RIPK1: variants seen among roughly 807,000 people sequenced by gnomAD.
RIPK1 encodes the protein receptor interacting serine/threonine kinase 1, also known as receptor-interacting serine/threonine-protein kinase 1.
Under a neutral mutation model 62.4 loss-of-function variants are expected in RIPK1, and 27 were observed. The observed-to-expected ratio is 0.43, with a 90% CI of 0.32 to 0.60. The LOEUF (loss-of-function observed/expected upper bound fraction) is 0.60. Among genes scored for constraint, RIPK1 ranks in the 20% least tolerant of loss-of-function variants. The pLI is 0.07. For missense variants in RIPK1, 735 were observed against 831.0 expected (o/e 0.88, Z 1.42); for synonymous variants, 287 against 303.2 (o/e 0.95, Z 0.55).
intron 5 of RIPK1, 97 bp downstream of exon 5, chr6:3,083,410 G>A: frequency 2.2e-6 from 2 of 909,426 alleles, no homozygotes; most frequent in Non-Finnish European, 3.4e-6. Context: ...TTGAATGAAT[G>A]AGTAATCCCA....
Position 3,083,205 on chromosome 6 carries a change from G to T in RIPK1, c.580G>T (p.Ala194Ser), listed in dbSNP as rs1452255294. ...GAATGGCGGCACCCTCTACTACATGGCGCCCGAGCACCTGAATGACGTCAA... is the reference window on the plus strand; with the variant it reads ...GAATGGCGGCACCCTCTACTACATGTCGCCCGAGCACCTGAATGACGTCAA... ...KKNGGTLYYMAPEHLNDVNAK... is the reference protein window; with the variant it reads ...KKNGGTLYYMSPEHLNDVNAK... Residue 194 changes from alanine to serine, a missense_variant, in exon 5 of 11, where the codon GCG (alanine) becomes TCG (serine). Around this residue, in one of 2 missense-constraint regions of RIPK1, gnomAD observed 671 missense variants for 726.2 expected, o/e 0.92. Transcript: ENST00000259808. The T allele has an allele frequency of 6.2e-7, 1 of 1,614,018 alleles. No homozygotes were observed. The highest frequency in any genetic ancestry group is 1.1e-5 in the South Asian group (1 of 91,078).
In RIPK1 at chr6:3,077,855, G is replaced by A. The variant is rs758268804; in HGVS notation, c.241G>A (p.Val81Ile). 3.8e-5 allele frequency: 62 copies of A among 1,614,078 alleles called. No individual in the cohort carries two copies. Among genetic ancestry groups the A allele is most frequent in the African/African-American group, 2.0e-4 (15 of 74,938 alleles). ...RHSRVVKLLGVIIEEGKYSLV... is the reference protein window; with the variant it reads ...RHSRVVKLLGIIIEEGKYSLV... ...CAGCCGGGTGGTGAAGCTCCTGGGC[G>A]TCATCATAGAGGAAGGGAAGTACTC... The change falls in exon 3 of 11, where the codon GTC (valine) becomes ATC (isoleucine). Residue 81 changes from valine (V) to isoleucine (I), a missense_variant. Val to Ile is a conservative substitution (Grantham distance 29, BLOSUM62 3). Transcript: ENST00000259808.
At chr6:3,109,733 A>G (rs1761055750) in intron 9 of RIPK1, among the ~76,000 whole-genome samples, 1 of 152,162 alleles carries the variant, frequency 6.6e-6, no homozygotes, top group African/African-American at 2.4e-5. Context: ...CCATCTATCT[A>G]TATAACTGTT....
chr6:3,087,653 C>A (rs1372884162), intron 6 of RIPK1, among the ~76,000 whole-genome samples: 1 of 151,860 alleles, frequency 6.6e-6, no homozygotes, highest in Non-Finnish European at 1.5e-5. Flanking sequence ...CATTTTCCTG[C>A]CTCAGCCTCC....
chr6:3,112,871 C>A (rs1210425898), intron 10 of RIPK1, among the ~76,000 whole-genome samples, 182 bp from the exon 11 acceptor site: 1 of 152,136 alleles, frequency 6.6e-6, no homozygotes, highest in African/African-American at 2.4e-5. Context: ...CATAAAGACT[C>A]CATGTGGGCT....
Position 3,094,046 on chromosome 6 carries a change from GCGCGCCTACCTGCCGCACCT to G in RIPK1, c.915+4390_915+4409del, listed in dbSNP as rs1561764984. Among the ~76,000 whole-genome samples the G allele has an allele frequency of 9.1e-5, 13 of 142,402 alleles. 2 individuals are homozygous for G. Among genetic ancestry groups the G allele is most frequent in the African/African-American group, 3.4e-4 (12 of 35,254 alleles). The allele number at this position is 142,402 out of a possible 152,430, so 93.4% of individuals were successfully genotyped here. A position where few individuals can be genotyped will look rare whatever the true frequency, so the allele number is the denominator to read the frequency against. ...CTACCTGCCGCACCTAGTAACTGCA[GCGCGCCTACCTGCCGCACCT>G]AGTAACTGCAGCGCGCCTACCTCCT... On this transcript the variant is annotated intron_variant, in intron 7 of 10. Transcript: ENST00000259808.
intron 1 of RIPK1, among the ~76,000 whole-genome samples, chr6:3,075,050 C>T (rs149454780): frequency 5.2e-4 from 79 of 152,326 alleles, no homozygotes; most frequent in Middle Eastern, 3.4e-3. Flanking sequence ...AACACAGACA[C>T]GCACATTCAC....
chr6:3,064,348 C>G (rs1188810150), upstream of RIPK1, among the ~76,000 whole-genome samples: 1 of 152,268 alleles, frequency 6.6e-6, no homozygotes, highest in Non-Finnish European at 1.5e-5. Context: ...TCCTCCCCAC[C>G]TGCCGGCCCT....
At chr6:3,087,317 C>A (rs1370682768) in intron 6 of RIPK1, among the ~76,000 whole-genome samples, 2 of 151,756 alleles carry the variant, frequency 1.3e-5, no homozygotes, top group East Asian at 1.9e-4. Flanking sequence ...TACTTTTTAA[C>A]CCCCACCCTC....
intron 6 of RIPK1, chr6:3,088,892 T>C (rs900421435): frequency 1.3e-5 from 2 of 152,244 alleles, no homozygotes; most frequent in South Asian, 2.1e-4. Flanking sequence ...TGGAGATTTT[T>C]TTTTATCTGT....
At chr6:3,108,292 CCAGAGTT>C (rs1760963843) in intron 9 of RIPK1, among the ~76,000 whole-genome samples, 1 of 151,924 alleles carries the variant, frequency 6.6e-6, no homozygotes. Context: ...ATTTGCCTCT[CCAGAGTT>C]CATTCTCCTC....
chr6:3,082,520 C>G (rs1759448509), intron 4 of RIPK1, among the ~76,000 whole-genome samples: 1 of 152,092 alleles, frequency 6.6e-6, no homozygotes, highest in Admixed American at 6.5e-5. Flanking sequence ...CTGTTTTTCT[C>G]CTCCTTTCCA....
chr6:3,101,256 A>G (rs1388488729), intron 7 of RIPK1, among the ~76,000 whole-genome samples: 2 of 151,734 alleles, frequency 1.3e-5, no homozygotes, highest in Non-Finnish European at 2.9e-5. Context: ...CTGTCTCAAG[A>G]AAAAAAACAA....
rs938749667 is a variant in RIPK1 at position 3,072,018 on chromosome 6, A to G, written c.-61+3357A>G. The stretch of plus-strand genomic sequence containing the variant: ...ATATTATTAAACATTCTTTCACAAC[A>G]TCGCTTTTGCAAACTGCTAGATATA... On this transcript the variant is annotated intron_variant, in intron 1 of 10. Transcript: ENST00000259808. The surrounding 1 kb of genome is among the most constrained non-coding windows in gnomAD (Gnocchi z 5.6). Among the ~76,000 whole-genome samples the G allele has an allele frequency of 3.3e-5, 5 of 152,212 alleles. No individual in the cohort carries two copies. Among genetic ancestry groups the G allele is most frequent in the African/African-American group, 1.2e-4 (5 of 41,442 alleles).
chr6:3,103,926 C>A (rs1760703490), intron 7 of RIPK1, among the ~76,000 whole-genome samples: 1 of 152,192 alleles, frequency 6.6e-6, no homozygotes, highest in South Asian at 2.1e-4. Context: ...AGGGTTTATT[C>A]CTAGGCTTTC....
At chr6:3,086,950 C>G (rs1433459940) in intron 6 of RIPK1, among the ~76,000 whole-genome samples, 1 of 152,232 alleles carries the variant, frequency 6.6e-6, no homozygotes, top group African/African-American at 2.4e-5. Flanking sequence ...AAAAGACACT[C>G]TTAGAAGACT....
intron 10 of RIPK1, 145 bp downstream of exon 10, chr6:3,111,100 C>T: frequency 5.9e-6 from 3 of 512,664 alleles, no homozygotes; most frequent in Admixed American, 3.7e-5. Flanking sequence ...TTGTAATTTC[C>T]ATATAATTCC....
chr6:3,095,846 CT>C (rs34808064), intron 7 of RIPK1, among the ~76,000 whole-genome samples: 59,166 of 137,008 alleles, frequency 0.43, 12,112 homozygotes, highest in Non-Finnish European at 0.51. Flanking sequence ...TGTTAACAGC[CT>C]TTTTTTTTTT....
chr6:3,105,052 A>G lies in RIPK1; in HGVS notation c.1007-430A>G, dbSNP rs552593446. Among the ~76,000 whole-genome samples, 1 of 152,212 alleles carries G rather than the reference A, an allele frequency of 6.6e-6. No individual in the cohort carries two copies. Among genetic ancestry groups the G allele is most frequent in the East Asian group, 1.9e-4 (1 of 5,170 alleles). ...TTTTCAGTAGAGATGGGGTTTCGCCATGTTGGCCAGGCTGGTCTCGAACTC... is the reference window on the plus strand; with the variant it reads ...TTTTCAGTAGAGATGGGGTTTCGCCGTGTTGGCCAGGCTGGTCTCGAACTC... On this transcript the variant is annotated intron_variant, in intron 8 of 10. Transcript: ENST00000259808. The surrounding 1 kb of genome is among the most constrained non-coding windows in gnomAD (Gnocchi z 4.5).
Sources: allele counts gnomAD v4.1 joint callset (sites outside exome capture counted in the v4.1 genomes callset), GRCh38; gene constraint gnomAD v4.1.1; regional missense constraint gnomAD v4.1.1; non-coding constraint Gnocchi (gnomAD v3.1); transcripts MANE v1.5; gene names NCBI Gene and HGNC (gene_info 2026-07-23, HGNC 2026-07-21).